Variants in ADGRG7 observed in about 807,000 individuals in gnomAD.
ADGRG7 encodes G-protein coupled receptor 128.
In ADGRG7, 82 loss-of-function variants were observed where a neutral mutation model predicts 88.6. The ratio of observed to expected loss-of-function variants is 0.93; its 90% CI spans 0.77 to 1.11. ADGRG7 has a LOEUF of 1.11. Among genes scored for constraint, ADGRG7 ranks in the 50% most tolerant of loss-of-function variants. ADGRG7 has a pLI of 0.00. For missense variants in ADGRG7, 945 were observed against 953.4 expected (o/e 0.99, Z 0.12); for synonymous variants, 381 against 345.2 (o/e 1.10, Z -1.15).
intron 6 of ADGRG7, among the ~76,000 whole-genome samples, chr3:100,641,590 C>T (rs1191472502): frequency 2.6e-5 from 4 of 151,886 alleles, no homozygotes; most frequent in Non-Finnish European, 5.9e-5. Context: ...ATCTAATAAG[C>T]AGAAGTTGCA....
chr3:100,629,792 G>A (rs1273411688), intron 2 of ADGRG7, 81 bp downstream of exon 2: 3 of 897,192 alleles, frequency 3.3e-6, no homozygotes, highest in Non-Finnish European at 5.4e-6. Flanking sequence ...GCTTCTAGAA[G>A]CTTCAGTTAA....
intron 8 of ADGRG7, among the ~76,000 whole-genome samples, chr3:100,643,977 G>A (rs908536478): frequency 3.9e-5 from 6 of 152,264 alleles, no homozygotes; most frequent in African/African-American, 1.2e-4. Flanking sequence ...CTCTGACCAT[G>A]TTTACTAGTG....
rs1042989636 is a variant in ADGRG7, at chr3:100,609,602, C to T, written c.-255C>T. ...CTCCCTATTCCCATAACTCTAATCA[C>T]TTTTTTCATGTTCTCCTTGAGTGAA... On this transcript the variant is annotated 5_prime_UTR_variant, in exon 1 of 16. Coordinates refer to ENST00000273352, the MANE Select transcript of ADGRG7 (RefSeq NM_032787.3). The T allele has an allele frequency of 5.8e-5, 21 of 360,446 alleles. No homozygotes were observed. Among genetic ancestry groups the T allele is most frequent in the African/African-American group, 4.0e-4 (19 of 47,752 alleles). The allele number at this position is 360,446 out of a possible 1,614,324, so 22.3% of individuals were successfully genotyped here. A position where few individuals can be genotyped will look rare whatever the true frequency, so the allele number is the denominator to read the frequency against.
chr3:100,633,208 A>C (rs1707479889), intron 3 of ADGRG7, 57 bp from the exon 4 acceptor site: 1 of 806,170 alleles, frequency 1.2e-6, no homozygotes, highest in South Asian at 4.6e-5. Context: ...CCTAAAAATA[A>C]TAGGCAATAA....
At chr3:100,630,664 A>G (rs1269046578) in intron 2 of ADGRG7, 41 bp from the exon 3 acceptor site, 1 of 988,782 alleles carries the variant, frequency 1.0e-6, no homozygotes. Context: ...AATTTTTTTA[A>G]AATACAATTT....
chr3:100,682,790 G>A (rs566988394), intron 15 of ADGRG7, among the ~76,000 whole-genome samples: 13 of 152,210 alleles, frequency 8.5e-5, no homozygotes, highest in Admixed American at 2.0e-4. Flanking sequence ...GGAACCGGGG[G>A]CAAGCGGGAG....
At chr3:100,663,095 T>C (rs1032884028) in intron 14 of ADGRG7, among the ~76,000 whole-genome samples, 10 of 152,108 alleles carry the variant, frequency 6.6e-5, no homozygotes, top group African/African-American at 2.2e-4. Context: ...CAAAAAAGCA[T>C]GGTTTATCAC....
chr3:100,643,174 C>A, intron 6 of ADGRG7, 92 bp from the exon 7 acceptor site: 1 of 1,114,822 alleles, frequency 9.0e-7, no homozygotes, highest in Non-Finnish European at 1.3e-6. Flanking sequence ...CAATTCTATG[C>A]TCATGTCTTT....
At chr3:100,616,170 T>G (rs1046297428) in intron 1 of ADGRG7, among the ~76,000 whole-genome samples, 1 of 152,084 alleles carries the variant, frequency 6.6e-6, no homozygotes, top group African/African-American at 2.4e-5. Context: ...AATTTTCCTG[T>G]GGAAATATTT....
chr3:100,635,582 T>C (rs1158407355), intron 4 of ADGRG7, 95 bp from the exon 5 acceptor site: 1 of 1,533,220 alleles, frequency 6.5e-7, no homozygotes, highest in African/African-American at 1.4e-5. Context: ...AGATTGAGGC[T>C]CAGCTAAATT....
At chr3:100,690,505 A>C (rs2149044355) in intron 15 of ADGRG7, among the ~76,000 whole-genome samples, 1 of 151,772 alleles carries the variant, frequency 6.6e-6, no homozygotes, top group East Asian at 1.9e-4. Flanking sequence ...GGTTTTATCT[A>C]CCTTTGGTCT....
At position 100,643,631 on chromosome 3, in the gene ADGRG7, A is replaced by G; in HGVS notation, c.944A>G (p.Lys315Arg). 6.2e-7 allele frequency: 1 copy of G among 1,605,210 alleles called. No individual in the cohort carries two copies. Among genetic ancestry groups the G allele is most frequent in the Non-Finnish European group, 8.5e-7 (1 of 1,172,982 alleles). The change falls in exon 8 of 16, where the codon AAA becomes AGA. Residue 315 changes from lysine (K) to arginine (R), a missense_variant and splice_region_variant. Transcript: ENST00000273352. ...CTTCAGGTCTTGCTTAATATGACGA[A>G]AAGTAAGTCTCAAACTTTGTGACAT... The part of the protein sequence containing the change: ...TELQVLLNMT[K>R]NYTKTCGFVV...
rs548009741 is a variant in ADGRG7 at position 100,635,918 on chromosome 3, A to G, written c.597+92A>G. The G allele has an allele frequency of 1.3e-3, 1,183 of 904,290 alleles. 26 individuals are homozygous for G. In the South Asian group the frequency reaches 0.021, roughly 16 times the overall value. 56.0% of individuals were successfully genotyped at this position (904,290 alleles called of 1,614,324 possible). A position where few individuals can be genotyped will look rare whatever the true frequency, so the allele number is the denominator to read the frequency against. ...AGAGATGTCCTGAATACCACTCCTT[A>G]TTCCACAATATGGTTTGAGCATGGT... On this transcript the variant is annotated intron_variant, in intron 5 of 15. Transcript: ENST00000273352.
intron 1 of ADGRG7, among the ~76,000 whole-genome samples, chr3:100,616,396 A>C (rs937064097): frequency 2.6e-5 from 4 of 152,194 alleles, no homozygotes; most frequent in Non-Finnish European, 5.9e-5. Flanking sequence ...GAGAAAAATA[A>C]AAAAAGAAAA....
intron 14 of ADGRG7, among the ~76,000 whole-genome samples, chr3:100,665,982 A>G (rs1220919405): frequency 1.3e-5 from 2 of 152,142 alleles, no homozygotes; most frequent in African/African-American, 4.8e-5. Context: ...ATTATTTGCC[A>G]TGAGTTGAGT....
intron 4 of ADGRG7, among the ~76,000 whole-genome samples, chr3:100,635,011 A>ACC (rs1707513184): frequency 6.6e-6 from 1 of 151,512 alleles, no homozygotes; most frequent in Non-Finnish European, 1.5e-5. Flanking sequence ...ACACACACAC[A>ACC]CACACACACA....
At position 100,635,047 on chromosome 3, in the gene ADGRG7, G is replaced by A. The variant is rs75053796; in HGVS notation, c.448-630G>A. On this transcript the variant is annotated intron_variant, in intron 4 of 15. Transcript: ENST00000273352. ...CACACACATACACACACACGTGCGCGCGCATGGACACCCAGCTTCACCAAT... is the reference window on the plus strand; with the variant it reads ...CACACACATACACACACACGTGCGCACGCATGGACACCCAGCTTCACCAAT... Among the ~76,000 whole-genome samples the A allele has an allele frequency of 6.9e-3, 1,043 of 150,502 alleles. 11 individuals carry two copies. The highest frequency in any genetic ancestry group is 0.024 in the African/African-American group (971 of 40,632).
intron 1 of ADGRG7, among the ~76,000 whole-genome samples, chr3:100,623,917 A>C (rs1407485515): frequency 2.0e-5 from 3 of 152,158 alleles, no homozygotes; most frequent in Non-Finnish European, 4.4e-5. Context: ...TTCATGGTGT[A>C]TATGTACCAA....
chr3:100,690,538 G>A (rs1313365517), intron 15 of ADGRG7, among the ~76,000 whole-genome samples: 1 of 152,112 alleles, frequency 6.6e-6, no homozygotes, highest in Admixed American at 6.5e-5. Context: ...ACATACAGGT[G>A]GGTTTTTGGT....
Sources: allele counts gnomAD v4.1 joint callset (sites outside exome capture counted in the v4.1 genomes callset), GRCh38; gene constraint gnomAD v4.1.1; transcripts MANE v1.5; gene names NCBI Gene and HGNC (gene_info 2026-07-23, HGNC 2026-07-21).